The following ERBB4 variants were observed in gnomAD, a reference collection of about 807,000 sequenced individuals.
The protein encoded by ERBB4 is erb-b2 receptor tyrosine kinase 4.
In ERBB4, 42 loss-of-function variants were observed where a neutral mutation model predicts 158.0. That is an observed-to-expected ratio of 0.27 (90% CI 0.21 to 0.34). The LOEUF is 0.34. ERBB4 is among the 10% of genes least tolerant of loss of function. The pLI is 1.00. For missense variants in ERBB4, 1,333 were observed against 1,624.1 expected, an observed-to-expected ratio of 0.82 and a Z score of 3.08; for synonymous variants, 583 against 558.7, an observed-to-expected ratio of 1.04 and a Z score of -0.61.
intron 12 of ERBB4, among the ~76,000 whole-genome samples, chr2:211,689,295 A>G (rs1240179566): frequency 2.0e-5 from 3 of 152,112 alleles, no homozygotes; most frequent in Admixed American, 1.3e-4. Context: ...CCTGCGCTCA[A>G]GTGATCCTTC....
At chr2:212,134,974 C>A (rs1367087818) in intron 1 of ERBB4, among the ~76,000 whole-genome samples, 2 of 152,148 alleles carry the variant, frequency 1.3e-5, no homozygotes, top group African/African-American at 4.8e-5. Flanking sequence ...GCGTGAGCCA[C>A]CGCGCCTGGC....
intron 19 of ERBB4, among the ~76,000 whole-genome samples, chr2:211,594,473 A>G (rs1166738755): frequency 6.6e-6 from 1 of 152,082 alleles, no homozygotes; most frequent in Non-Finnish European, 1.5e-5. Context: ...AAAACTAAGC[A>G]ATAATTTGCT....
chr2:211,516,063 C>T (rs1187357571), intron 20 of ERBB4, among the ~76,000 whole-genome samples: 4 of 149,986 alleles, frequency 2.7e-5, no homozygotes, highest in African/African-American at 9.8e-5. Context: ...TACAGGCGCC[C>T]GCCACCACGC....
In ERBB4 at chr2:211,721,999, G is replaced by T. The variant is rs572342033; in HGVS notation, c.883+394C>A. ...TGTCTCAGCCTCCAGAATAGCTGGG[G>T]CTACAGGCGCCCGCCACCACGCCTG... On this transcript the variant is annotated intron_variant, in intron 7 of 27. Coordinates refer to ENST00000342788, the MANE Select transcript of ERBB4 (RefSeq NM_005235.3). 1.5e-3 allele frequency among the ~76,000 whole-genome samples: 228 copies of T among 152,078 alleles called. 1 individual carries two copies. Among genetic ancestry groups the T allele is most frequent in the African/African-American group, 5.4e-3 (223 of 41,504 alleles).
At chr2:211,916,225 G>A (rs1457717558) in intron 3 of ERBB4, among the ~76,000 whole-genome samples, 2 of 151,920 alleles carry the variant, frequency 1.3e-5, no homozygotes, top group Non-Finnish European at 2.9e-5. Context: ...TGTCACCCAG[G>A]CTGGAGTGTG....
At chr2:212,223,782 G>A (rs2083382527) in intron 1 of ERBB4, among the ~76,000 whole-genome samples, 1 of 151,474 alleles carries the variant, frequency 6.6e-6, no homozygotes. Context: ...TGATATATAA[G>A]CTTTTATCAC....
At position 211,889,384 on chromosome 2, in the gene ERBB4, C is replaced by T. The variant is rs573790661; in HGVS notation, c.421+58046G>A. On this transcript the variant is annotated intron_variant, in intron 3 of 27. Coordinates refer to ENST00000342788, the MANE Select transcript of ERBB4 (RefSeq NM_005235.3). Reference sequence around the variant, plus strand: ...TAACAAACAGAAAGGACATCCACACCGAAAACCCATCTGTACATCACCATC... The same window carrying T: ...TAACAAACAGAAAGGACATCCACACTGAAAACCCATCTGTACATCACCATC... Among the ~76,000 whole-genome samples the T allele has an allele frequency of 1.4e-3, 201 of 145,074 alleles. 5 individuals are homozygous for T. The highest frequency in any genetic ancestry group is 1.8e-3 in the Non-Finnish European group (120 of 66,438).
In ERBB4 at chr2:211,606,777, C is replaced by T. The variant is rs113460140; in HGVS notation, c.2301+12400G>A. ...CAAAAGAATAAAATGTGTTTTCTTT[C>T]GTAAGAGTATAGTAGCACATTCATT... On this transcript the variant is annotated intron_variant, in intron 19 of 27. Transcript: ENST00000342788. Among the ~76,000 whole-genome samples the T allele has an allele frequency of 3.7e-3, 560 of 152,136 alleles. 4 individuals carry two copies. Among genetic ancestry groups the T allele is most frequent in the African/African-American group, 0.012 (513 of 41,504 alleles).
chr2:212,295,090 G>A (rs973629375), intron 1 of ERBB4, among the ~76,000 whole-genome samples: 3 of 152,130 alleles, frequency 2.0e-5, no homozygotes, highest in African/African-American at 7.2e-5. Flanking sequence ...CATTGGCAGA[G>A]CAGAAACAGA....
chr2:211,583,626 G>A (rs1321186844), intron 19 of ERBB4, among the ~76,000 whole-genome samples: 1 of 151,290 alleles, frequency 6.6e-6, no homozygotes, highest in Non-Finnish European at 1.5e-5. Flanking sequence ...ACAGCACTTT[G>A]TTGTAACAAA....
intron 2 of ERBB4, among the ~76,000 whole-genome samples, chr2:212,112,673 A>T (rs1168498638): frequency 6.6e-6 from 1 of 152,180 alleles, no homozygotes; most frequent in Non-Finnish European, 1.5e-5. Flanking sequence ...CACTTACAAA[A>T]TGTGAATAAC....
intron 19 of ERBB4, among the ~76,000 whole-genome samples, chr2:211,616,255 A>T (rs2069386059): frequency 6.6e-6 from 1 of 152,074 alleles, no homozygotes; most frequent in Admixed American, 6.6e-5. Context: ...TGGCTGCCAG[A>T]GTCTCTCCAG....
intron 3 of ERBB4, among the ~76,000 whole-genome samples, chr2:211,883,910 T>A (rs2078728444): frequency 2.0e-5 from 3 of 152,234 alleles, no homozygotes; most frequent in African/African-American, 7.2e-5. Context: ...TTCAGCCTAT[T>A]TACATAATTC....
At chr2:211,944,176 ACT>A (rs1491104076) in intron 3 of ERBB4, among the ~76,000 whole-genome samples, 3 of 16,288 alleles carry the variant, frequency 1.8e-4, no homozygotes, top group South Asian at 2.2e-3. Flanking sequence ...ATATATATAT[ACT>A]ATATATATAT....
chr2:212,050,002 G>T (rs1017431459), intron 2 of ERBB4, among the ~76,000 whole-genome samples: 3 of 151,984 alleles, frequency 2.0e-5, no homozygotes, highest in Non-Finnish European at 4.4e-5. Flanking sequence ...ATACCTATAC[G>T]AATAGTGGTA....
intron 1 of ERBB4, among the ~76,000 whole-genome samples, chr2:212,358,855 C>A (rs191234991): frequency 2.6e-3 from 387 of 151,644 alleles, no homozygotes; most frequent in Non-Finnish European, 4.0e-3. Flanking sequence ...CATTATGAAA[C>A]CTTGTATGTC....
intron 1 of ERBB4, among the ~76,000 whole-genome samples, chr2:212,301,854 T>A (rs868859538): frequency 2.6e-5 from 4 of 151,288 alleles, no homozygotes; most frequent in Non-Finnish European, 5.9e-5. Context: ...AAAAATAACA[T>A]CACATCTTAT....
intron 1 of ERBB4, among the ~76,000 whole-genome samples, chr2:212,312,491 A>C (rs919933129): frequency 1.3e-5 from 2 of 150,772 alleles, no homozygotes; most frequent in Admixed American, 1.3e-4. Flanking sequence ...GTGCACTAAA[A>C]TTTTTTTTCT....
intron 3 of ERBB4, among the ~76,000 whole-genome samples, chr2:211,941,737 C>G (rs1445256798): frequency 1.5e-5 from 1 of 65,290 alleles, no homozygotes; most frequent in South Asian, 4.0e-4. Flanking sequence ...TTTTTTTTGT[C>G]TAAACAGGTC....
Sources: gnomAD v4.1 joint callset for allele counts (sites outside exome capture counted in the v4.1 genomes callset) on GRCh38, gnomAD v4.1.1 for gene constraint, MANE v1.5 for transcripts, NCBI Gene and HGNC (gene_info 2026-07-23, HGNC 2026-07-21) for gene names.